The following ATF7IP variants were observed in gnomAD, a reference collection of about 807,000 sequenced individuals.
ATF7IP encodes the protein activating transcription factor 7-interacting protein 1.
A neutral mutation model predicts 106.4 loss-of-function variants in ATF7IP; 23 were observed. The ratio of observed to expected loss-of-function variants is 0.22; its 90% CI spans 0.16 to 0.31. The LOEUF (loss-of-function observed/expected upper bound fraction) is 0.31. Ranked by LOEUF, ATF7IP falls within the 10% of genes least tolerant of loss-of-function variation. ATF7IP has a pLI of 1.00. For missense variants in ATF7IP, 1,334 were observed against 1,524.3 expected (o/e 0.88, Z 2.08); for synonymous variants, 542 against 539.0 (o/e 1.01, Z -0.08).
intron 10 of ATF7IP, among the ~76,000 whole-genome samples, chr12:14,469,400 G>A (rs1381034373): frequency 2.0e-5 from 3 of 150,370 alleles, no homozygotes; most frequent in African/African-American, 7.3e-5. Context: ...CATCTAGTGT[G>A]GAAATGCTTG....
At chr12:14,455,009 C>T (rs1352233547) in intron 6 of ATF7IP, among the ~76,000 whole-genome samples, 1 of 151,746 alleles carries the variant, frequency 6.6e-6, no homozygotes, top group South Asian at 2.1e-4. Flanking sequence ...CAAAACCCCA[C>T]GTCTACTAAA....
intron 8 of ATF7IP, 31 bp downstream of exon 8, chr12:14,457,326 T>G: frequency 1.4e-6 from 2 of 1,462,094 alleles, no homozygotes; most frequent in Non-Finnish European, 1.9e-6. Flanking sequence ...CAAAATACAT[T>G]TTCTTAGGAA....
chr12:14,366,680 T>G (rs1938308291), intron 1 of ATF7IP, among the ~76,000 whole-genome samples: 1 of 152,234 alleles, frequency 6.6e-6, no homozygotes, highest in African/African-American at 2.4e-5. Flanking sequence ...GCTAGATTAT[T>G]GTTACTTTTG....
At chr12:14,453,727 C>T (rs530026189) in intron 6 of ATF7IP, among the ~76,000 whole-genome samples, 40 of 152,000 alleles carry the variant, frequency 2.6e-4, no homozygotes, top group African/African-American at 7.5e-4. Flanking sequence ...TGGGTTCAAG[C>T]GATTCTCCAG....
At chr12:14,493,507 C>G (rs1481174821) in intron 13 of ATF7IP, among the ~76,000 whole-genome samples, 1 of 152,150 alleles carries the variant, frequency 6.6e-6, no homozygotes, top group Non-Finnish European at 1.5e-5. Context: ...TTTATTTCTT[C>G]AGACAAAGTT....
At chr12:14,375,609 A>ATACAGTGAAGTGGAAAGAACAGTAGTT (rs1938708100) in intron 1 of ATF7IP, among the ~76,000 whole-genome samples, 1 of 152,242 alleles carries the variant, frequency 6.6e-6, no homozygotes, top group Non-Finnish European at 1.5e-5. Flanking sequence ...TCAGTTAGTT[A>ATACAGTGAAGTGGAAAGAACAGTAGTT]TACAGTGAAG....
At chr12:14,436,352 G>T in intron 4 of ATF7IP, 101 bp downstream of exon 4, 2 of 1,212,834 alleles carry the variant, frequency 1.6e-6, no homozygotes, top group Non-Finnish European at 2.3e-6. Flanking sequence ...ACATAATGTG[G>T]TTTATCATAG....
rs1263085403 is a variant in ATF7IP at position 14,502,195 on chromosome 12, T to C, written c.*4122T>C. ...CAGTATTTGCAATATCAAATAACTC[T>C]AAAACCGATGTGTGATTCTACCTTC... On this transcript the variant is annotated 3_prime_UTR_variant, in exon 15 of 15. Transcript: ENST00000261168. 4 of 152,238 alleles carry C rather than the reference T, an allele frequency of 2.6e-5. No homozygotes were observed. The highest frequency in any genetic ancestry group is 9.6e-5 in the African/African-American group (4 of 41,468). 9.4% of individuals were successfully genotyped at this position (152,238 alleles called of 1,614,324 possible).
Position 14,425,002 on chromosome 12 carries a change from C to G in ATF7IP, c.1087C>G (p.Arg363Gly), listed in dbSNP as rs189410213. The part of the protein sequence containing the change: ...ETDDTTICSD[R>G]PPENEKKVEE... ...AGATGATACAACTATTTGTTCAGATCGACCTCCTGAAAATGAAAAGAAGGT... is the reference window on the plus strand; with the variant it reads ...AGATGATACAACTATTTGTTCAGATGGACCTCCTGAAAATGAAAAGAAGGT... Residue 363 changes from arginine (R) to glycine (G), a missense_variant, in exon 2 of 15, where the codon CGA becomes GGA. Transcript: ENST00000261168. The G allele has an allele frequency of 1.2e-6, 2 of 1,611,218 alleles. No homozygotes were observed. The highest frequency in any genetic ancestry group is 3.4e-5 in the Admixed American group (2 of 59,508).
At chr12:14,419,551 T>C (rs988163483) in intron 1 of ATF7IP, among the ~76,000 whole-genome samples, 19 of 152,306 alleles carry the variant, frequency 1.2e-4, no homozygotes, top group African/African-American at 4.3e-4. Flanking sequence ...ATACTACTTA[T>C]ATTATAAACT....
At chr12:14,427,311 C>CAGG (rs1484157466) in intron 2 of ATF7IP, among the ~76,000 whole-genome samples, 2 of 151,502 alleles carry the variant, frequency 1.3e-5, no homozygotes, top group African/African-American at 4.9e-5. Flanking sequence ...TTTGTAGAGA[C>CAGG]AGGGTCTTGC....
rs1014766711 is a variant in ATF7IP at position 14,477,377 on chromosome 12, A to G, written c.2942-940A>G. Among the ~76,000 whole-genome samples, 6 of 152,162 alleles carry G rather than the reference A, an allele frequency of 3.9e-5. No homozygotes were observed. In the South Asian group the frequency reaches 8.3e-4, roughly 21 times the overall value. ...GATTATTCTTTAAAAGTTTCAAATT[A>G]TCTCTATTGCTTTCACTTATCTCTA... On this transcript the variant is annotated intron_variant, in intron 11 of 14. Transcript: ENST00000261168.
intron 1 of ATF7IP, among the ~76,000 whole-genome samples, chr12:14,397,023 G>T (rs1939888542): frequency 6.6e-6 from 1 of 152,120 alleles, no homozygotes; most frequent in Non-Finnish European, 1.5e-5. Context: ...TTAGCCAGAT[G>T]TGGTGGCGCA....
At chr12:14,480,897 T>C (rs997937290) in intron 12 of ATF7IP, 106 bp from the exon 13 acceptor site, 22 of 965,526 alleles carry the variant, frequency 2.3e-5, no homozygotes, top group African/African-American at 3.3e-5. Flanking sequence ...TCTGTTTCTG[T>C]CTTTATTAGT....
chr12:14,483,444 G>T (rs1025453586), intron 13 of ATF7IP, among the ~76,000 whole-genome samples: 1 of 152,128 alleles, frequency 6.6e-6, no homozygotes, highest in African/African-American at 2.4e-5. Context: ...AAAGGTAAGA[G>T]GAGCCCAAAG....
intron 10 of ATF7IP, among the ~76,000 whole-genome samples, chr12:14,467,317 A>G (rs1265513277): frequency 6.6e-6 from 1 of 152,152 alleles, no homozygotes; most frequent in Non-Finnish European, 1.5e-5. Flanking sequence ...AGAATTTTAA[A>G]ACAAGGGCAT....
chr12:14,381,906 GCAAATGATTA>G (rs1226638873), intron 1 of ATF7IP, among the ~76,000 whole-genome samples: 1 of 150,210 alleles, frequency 6.7e-6, no homozygotes, highest in Non-Finnish European at 1.5e-5. Context: ...GTGACTCCTG[GCAAATGATTA>G]CATTCTCTGG....
intron 8 of ATF7IP, among the ~76,000 whole-genome samples, chr12:14,457,498 A>G (rs1943473860): frequency 6.6e-6 from 1 of 152,078 alleles, no homozygotes; most frequent in Non-Finnish European, 1.5e-5. Context: ...GCTGAGGAGG[A>G]TTACCCAAAC....
At chr12:14,413,206 G>A (rs1318390310) in intron 1 of ATF7IP, among the ~76,000 whole-genome samples, 1 of 152,146 alleles carries the variant, frequency 6.6e-6, no homozygotes, top group Non-Finnish European at 1.5e-5. Context: ...CCTTTATCAG[G>A]TTGAGGAAAT....
Sources: allele counts gnomAD v4.1 joint callset (sites outside exome capture counted in the v4.1 genomes callset), GRCh38; gene constraint gnomAD v4.1.1; transcripts MANE v1.5; gene names NCBI Gene and HGNC (gene_info 2026-07-23, HGNC 2026-07-21).